AADACL4: variants seen among roughly 807,000 people sequenced by gnomAD.
The protein encoded by AADACL4 is arylacetamide deacetylase like 4.
AADACL4 carries 9 observed loss-of-function variants against 14.1 expected under a neutral mutation model. The ratio of observed to expected loss-of-function variants is 0.64; its 90% CI spans 0.39 to 1.12. The LOEUF (loss-of-function observed/expected upper bound fraction) is 1.12, where lower values mean the gene tolerates loss of function less well. Ranked by LOEUF, AADACL4 falls within the 50% of genes most tolerant of loss-of-function variation. The probability of loss-of-function intolerance (pLI) is 0.01; values close to 1 mark genes in which losing one functional copy is unlikely to be tolerated. For synonymous variants in AADACL4, 188 were observed against 201.6 expected (o/e 0.93, Z 0.57); for missense variants, 531 against 516.1 (o/e 1.03, Z -0.28).
At chr1:12,658,108 T>TTTCCTTACTTCC (rs1647195250) in intron 2 of AADACL4, among the ~76,000 whole-genome samples, 1 of 122,010 alleles carries the variant, frequency 8.2e-6, no homozygotes, top group Admixed American at 8.3e-5. Context: ...TCTCTCTTTC[T>TTTCCTTACTTCC]TTCCTTCCTT....
intron 2 of AADACL4, among the ~76,000 whole-genome samples, chr1:12,651,641 ATTGGCCTGCCCTG>A (rs1435370373): frequency 6.6e-6 from 1 of 151,854 alleles, no homozygotes; most frequent in African/African-American, 2.4e-5. Context: ...ACTCCTAGTC[ATTGGCCTGCCCTG>A]TCTCATTTAC....
chr1:12,647,943 C>T (rs1279801908), intron 1 of AADACL4, among the ~76,000 whole-genome samples: 2 of 152,096 alleles, frequency 1.3e-5, no homozygotes, highest in African/African-American at 4.8e-5. Flanking sequence ...CAGACATGAG[C>T]CACTGTGCCC....
At chr1:12,657,616 C>T (rs755669825) in intron 2 of AADACL4, among the ~76,000 whole-genome samples, 10 of 152,146 alleles carry the variant, frequency 6.6e-5, no homozygotes, top group African/African-American at 9.7e-5. Context: ...AAGAGAGACA[C>T]GTGCGAGGAG....
rs554306844 is a variant in AADACL4, at chr1:12,644,510, G to A, written c.-37G>A. ...CCTCTTCACATAAGCTATCAGACAA[G>A]CTCCTCAGGGCAGCAGCTCCTCAAG... is the stretch of plus-strand genomic sequence containing the variant. On this transcript the variant is annotated 5_prime_UTR_variant, in exon 1 of 4. Coordinates refer to ENST00000376221, the MANE Select transcript of AADACL4 (RefSeq NM_001013630.2). 41 of 1,605,384 alleles carry A rather than the reference G, an allele frequency of 2.6e-5. 1 individual carries two copies. The South Asian group carries it at 4.0e-4, about 16-fold the overall frequency.
rs543993579 is a variant in AADACL4, at chr1:12,659,530, A to G, written c.386-2261A>G. ...GTAATATTTTAATGCAATGTTTAAA[A>G]AAACAAATATTAATGCAAAACAATT... On this transcript the variant is annotated intron_variant, in intron 2 of 3. Transcript: ENST00000376221. Among the ~76,000 whole-genome samples the G allele has an allele frequency of 2.0e-5, 3 of 152,372 alleles. No individual in the cohort carries two copies. In the East Asian group the frequency reaches 5.8e-4, roughly 29 times the overall value.
chr1:12,651,403 G>A, intron 2 of AADACL4, 64 bp downstream of exon 2: 1 of 1,534,964 alleles, frequency 6.5e-7, no homozygotes, highest in South Asian at 1.1e-5. Context: ...CCTAGCTCAT[G>A]CCTCCCGCAA....
intron 2 of AADACL4, among the ~76,000 whole-genome samples, chr1:12,655,324 A>G (rs1191140362): frequency 6.6e-6 from 1 of 152,064 alleles, no homozygotes; most frequent in Non-Finnish European, 1.5e-5. Context: ...TAATATTTTT[A>G]CCAGCCATGT....
In AADACL4 at chr1:12,666,354, C is replaced by T. The variant is rs764491307; in HGVS notation, c.843C>T (p.Tyr281=). ...TCVPPDVWRK[Y]EKWLSPDNIP... ...TACCCCCAGACGTCTGGAGGAAGTA[C>T]GAGAAGTGGCTCAGCCCTGACAACA... The change falls in exon 4 of 4, where the codon TAC becomes TAT. Residue 281 remains tyrosine (Y), a synonymous_variant. Coordinates refer to ENST00000376221, the MANE Select transcript of AADACL4 (RefSeq NM_001013630.2). The T allele has an allele frequency of 1.4e-5, 22 of 1,614,006 alleles. No individual in the cohort carries two copies. Among genetic ancestry groups the T allele is most frequent in the Admixed American group, 1.2e-4 (7 of 60,002 alleles).
intron 2 of AADACL4, among the ~76,000 whole-genome samples, chr1:12,656,094 G>A (rs1647177861): frequency 6.6e-6 from 1 of 152,238 alleles, no homozygotes. Context: ...TTAAGAATGT[G>A]TCCCAAAGGG....
At chr1:12,657,549 C>T (rs555626490) in intron 2 of AADACL4, among the ~76,000 whole-genome samples, 4 of 152,106 alleles carry the variant, frequency 2.6e-5, no homozygotes, top group South Asian at 4.2e-4. Flanking sequence ...GGTGAAAGTA[C>T]GGAGATTTAT....
chr1:12,653,953 A>G (rs968029597), intron 2 of AADACL4, among the ~76,000 whole-genome samples: 1 of 152,120 alleles, frequency 6.6e-6, no homozygotes, highest in African/African-American at 2.4e-5. Context: ...TTCTAGCTCT[A>G]GCTCCCTTAA....
Position 12,661,845 on chromosome 1 carries a change from T to C in AADACL4, c.440T>C (p.Leu147Pro), listed in dbSNP as rs760019354. 2 of 1,614,140 alleles carry C rather than the reference T, an allele frequency of 1.2e-6. No homozygotes were observed. The highest frequency in any genetic ancestry group is 2.2e-5 in the South Asian group (2 of 91,066). Residue 147 changes from leucine (L) to proline (P), a missense_variant, in exon 3 of 4, where the codon CTG becomes CCG. Coordinates refer to ENST00000376221, the MANE Select transcript of AADACL4 (RefSeq NM_001013630.2). Reference protein sequence around the residue: ...YLARETESVLLMIGYRKLPDH... With the variant: ...YLARETESVLPMIGYRKLPDH... ...GCCCGGGAGACTGAATCTGTACTTC[T>C]GATGATTGGGTGAGTTTCTGGAGAC...
At chr1:12,647,577 G>T (rs980227864) in intron 1 of AADACL4, among the ~76,000 whole-genome samples, 2 of 152,060 alleles carry the variant, frequency 1.3e-5, no homozygotes, top group Non-Finnish European at 1.5e-5. Context: ...TTTAAAAGTT[G>T]CTATGAATGA....
chr1:12,666,164 A>T lies in AADACL4; in HGVS notation c.653A>T (p.Gln218Leu). ...TCAGATCTTCCCCGGATCCGGGCTC[A>T]GGTTCTGATTTATCCAGTTGTCCAG... Reference protein sequence around the residue: ...GRSDLPRIRAQVLIYPVVQAF... With the variant: ...GRSDLPRIRALVLIYPVVQAF... Residue 218 changes from glutamine (Q) to leucine (L), a missense_variant, in exon 4 of 4, where the codon CAG (glutamine) becomes CTG (leucine). Coordinates refer to ENST00000376221, the MANE Select transcript of AADACL4 (RefSeq NM_001013630.2). 6.2e-7 allele frequency: 1 copy of T among 1,614,254 alleles called. No homozygotes were observed. Among genetic ancestry groups the T allele is most frequent in the Non-Finnish European group, 8.5e-7 (1 of 1,180,052 alleles).
chr1:12,655,121 G>C (rs2100762854), intron 2 of AADACL4, among the ~76,000 whole-genome samples: 1 of 152,198 alleles, frequency 6.6e-6, no homozygotes, highest in East Asian at 1.9e-4. Context: ...GACATAATTA[G>C]AAACTCATGA....
intron 2 of AADACL4, among the ~76,000 whole-genome samples, chr1:12,655,706 C>T (rs1647176284): frequency 6.6e-6 from 1 of 152,058 alleles, no homozygotes; most frequent in Non-Finnish European, 1.5e-5. Flanking sequence ...TGCACTTCAT[C>T]CCATTGTTTG....
In AADACL4 at chr1:12,644,606, T is replaced by C; in HGVS notation, c.60T>C (p.Phe20=). 6.2e-7 allele frequency: 1 copy of C among 1,614,166 alleles called. No individual in the cohort carries two copies. The highest frequency in any genetic ancestry group is 8.5e-7 in the Non-Finnish European group (1 of 1,180,010). ...TGCCCATCTTTTTCCTGGGGGTCTTTGTCTGGGCTGTCTTTGAGCACTTCC... is the reference window on the plus strand; with the variant it reads ...TGCCCATCTTTTTCCTGGGGGTCTTCGTCTGGGCTGTCTTTGAGCACTTCC... ...LALPIFFLGV[F]VWAVFEHFLT... is the part of the protein sequence containing the mutation. The change falls in exon 1 of 4, where the codon TTT becomes TTC. Residue 20 remains phenylalanine, a synonymous_variant. Coordinates refer to ENST00000376221, the MANE Select transcript of AADACL4 (RefSeq NM_001013630.2).
chr1:12,648,346 A>ATCCATCCTTCCTTCCTTCCTTCCTTCCT lies in AADACL4; in HGVS notation c.169-2774_169-2773insATCCTTCCTTCCTTCCTTCCTTCCTTCC, dbSNP rs1553146865. 7.9e-4 allele frequency among the ~76,000 whole-genome samples: 111 copies of ATCCATCCTTCCTTCCTTCCTTCCTTCCT among 140,602 alleles called. 3 individuals carry two copies. The highest frequency in any genetic ancestry group is 3.8e-3 in the Middle Eastern group (1 of 260). 92.2% of individuals were successfully genotyped at this position (140,602 alleles called of 152,430 possible). ...AGCTATTTAAAATTCTGGACCTCAG[A>ATCCATCCTTCCTTCCTTCCTTCCTTCCT]TCCTTCCTTCCTTCCTTCCTTCCTT... On this transcript the variant is annotated intron_variant, in intron 1 of 3. Transcript: ENST00000376221.
chr1:12,644,775 T>A (rs1262980373), intron 1 of AADACL4, 61 bp downstream of exon 1: 2 of 1,531,138 alleles, frequency 1.3e-6, no homozygotes, highest in African/African-American at 2.8e-5. Flanking sequence ...CTCAGTACCT[T>A]ACCCTCTTTT....
Sources: allele counts gnomAD v4.1 joint callset (sites outside exome capture counted in the v4.1 genomes callset), GRCh38; gene constraint gnomAD v4.1.1; transcripts MANE v1.5; gene names NCBI Gene and HGNC (gene_info 2026-07-23, HGNC 2026-07-21).